The following CAD variants were observed in gnomAD, a reference collection of about 807,000 sequenced individuals.
CAD encodes carbamoyl-phosphate synthetase 2, aspartate transcarbamylase, and dihydroorotase.
A neutral mutation model predicts 237.2 loss-of-function variants in CAD; 81 were observed. That is an observed-to-expected ratio of 0.34 (90% CI 0.29 to 0.41). CAD has a LOEUF of 0.41. Ranked by LOEUF, CAD falls within the 10% of genes least tolerant of loss-of-function variation. The pLI, the probability that CAD is intolerant of heterozygous loss-of-function variation, is 1.00. For synonymous variants in CAD, 1,196 were observed against 1,162.8 expected, an observed-to-expected ratio of 1.03 and a Z score of -0.58; for missense variants, 2,181 against 2,951.7, an observed-to-expected ratio of 0.74 and a Z score of 6.05.
chr2:27,230,825 A>T (rs940806002), intron 15 of CAD, among the ~76,000 whole-genome samples: 4 of 152,210 alleles, frequency 2.6e-5, no homozygotes, highest in African/African-American at 9.6e-5. Context: ...CTGGACAGCC[A>T]TCAGTGGTTT....
Position 27,242,910 on chromosome 2 carries a change from T to A in CAD, c.6417T>A (p.Thr2139=), listed in dbSNP as rs774003252. Residue 2139 remains threonine, a synonymous_variant, in exon 42 of 44, where the codon ACT becomes ACA. Coordinates refer to ENST00000264705, the MANE Select transcript of CAD (RefSeq NM_004341.5). The surrounding 1 kb of genome is among the most constrained non-coding windows in gnomAD (Gnocchi z 6.4). The part of the protein sequence containing the change: ...FESIEEALPD[T]DVLYMTRIQK... ...GCATTGAGGAGGCGCTGCCTGACAC[T>A]GATGTGCTCTACATGACTCGAATCC... The A allele has an allele frequency of 6.2e-7, 1 of 1,613,838 alleles. No homozygotes were observed. The highest frequency in any genetic ancestry group is 8.5e-7 in the Non-Finnish European group (1 of 1,179,756).
At chr2:27,225,547 C>CCA (rs1238887003) in intron 11 of CAD, among the ~76,000 whole-genome samples, 158 bp from the exon 12 acceptor site, 1 of 117,124 alleles carries the variant, frequency 8.5e-6, no homozygotes, top group Non-Finnish European at 1.7e-5. Flanking sequence ...CTCAGGTGAT[C>CCA]CACCCCCCCG....
chr2:27,243,638 AC>A lies in CAD; in HGVS notation c.*122del. ...ACATCCAGATAGCTCACATGTGCTG[AC>A]CACACTTCAGGCTCTGGACTGGAGC... On this transcript the variant is annotated 3_prime_UTR_variant, in exon 44 of 44. Transcript: ENST00000264705. The A allele has an allele frequency of 1.3e-6, 1 of 784,056 alleles. No individual in the cohort carries two copies. The highest frequency in any genetic ancestry group is 2.1e-6 in the Non-Finnish European group (1 of 482,544). The allele number at this position is 784,056 out of a possible 1,614,324, so 48.6% of individuals were successfully genotyped here.
At chr2:27,221,115 C>T in intron 2 of CAD, 103 bp from the exon 3 acceptor site, 1 of 952,544 alleles carries the variant, frequency 1.0e-6, no homozygotes, top group Non-Finnish European at 1.5e-6. Context: ...TATTGAAGGC[C>T]ATTCAATGTG....
rs367628714 is a variant in CAD at position 27,239,429 on chromosome 2, C to T, written c.5352C>T (p.Arg1784=). 2.5e-6 allele frequency: 4 copies of T among 1,614,046 alleles called. No individual in the cohort carries two copies. The highest frequency in any genetic ancestry group is 2.5e-6 in the Non-Finnish European group (3 of 1,179,928). Residue 1784 remains arginine (R), a synonymous_variant, in exon 33 of 44, where the codon CGC becomes CGT. Transcript: ENST00000264705. This position sits in a 1 kb window ranked among gnomAD's most constrained non-coding sequence, Gnocchi z 4.0. ...GGCAGAAAGTGAAGGGCACCGTCCG[C>T]CGTGTGGTCCTGCGAGGGGAGGTTG... The part of the protein sequence containing the change: ...FEGQKVKGTV[R]RVVLRGEVAY...
At position 27,224,442 on chromosome 2, in the gene CAD, G is replaced by A. The variant is rs1675332475; in HGVS notation, c.1206G>A (p.Gly402=). The change falls in exon 9 of 44, where the codon GGG becomes GGA. Residue 402 remains glycine, a synonymous_variant. Transcript: ENST00000264705. The part of the protein sequence containing the change: ...PPRKVLILGS[G]GLSIGQAGEF... ...GAAAGGTTCTGATCCTGGGCTCAGG[G>A]GGCCTCTCCATTGGCCAAGCTGGAG... The A allele has an allele frequency of 1.2e-6, 2 of 1,614,162 alleles. No homozygotes were observed. Among genetic ancestry groups the A allele is most frequent in the Non-Finnish European group, 1.7e-6 (2 of 1,180,016 alleles).
At chr2:27,224,244 A>G (rs1414435611) in intron 8 of CAD, 101 bp from the exon 9 acceptor site, 3 of 1,307,774 alleles carry the variant, frequency 2.3e-6, no homozygotes, top group African/African-American at 1.5e-5. Context: ...CCTGAGGTGC[A>G]TAATTTGCTC....
intron 42 of CAD, 27 bp from the exon 43 acceptor site, chr2:27,243,171 C>T: frequency 6.2e-7 from 1 of 1,610,392 alleles, no homozygotes; most frequent in South Asian, 1.1e-5. Context: ...CCCCAAGGCA[C>T]TAATGGGGAC....
At chr2:27,226,984 C>T (rs762806827) in intron 15 of CAD, 22 bp downstream of exon 15, 1 of 1,612,656 alleles carries the variant, frequency 6.2e-7, no homozygotes, top group South Asian at 1.1e-5. Flanking sequence ...GCCCTGGGCA[C>T]CCCCATGGGG....
At position 27,243,862 on chromosome 2, in the gene CAD, G is replaced by A; in HGVS notation, c.*344G>A. 3.9e-6 allele frequency: 1 copy of A among 259,180 alleles called. No homozygotes were observed. Among genetic ancestry groups the A allele is most frequent in the Non-Finnish European group, 7.4e-6 (1 of 134,236 alleles). The allele number at this position is 259,180 out of a possible 1,614,324, so 16.1% of individuals were successfully genotyped here. A position where few individuals can be genotyped will look rare whatever the true frequency, so the allele number is the denominator to read the frequency against. ...CAAATTATAAGAGCAGCCTCACCAGGCAGGGCTCTGGCTAGGGCTGCGTGC... is the reference window on the plus strand; with the variant it reads ...CAAATTATAAGAGCAGCCTCACCAGACAGGGCTCTGGCTAGGGCTGCGTGC... On this transcript the variant is annotated 3_prime_UTR_variant, in exon 44 of 44. Coordinates refer to ENST00000264705, the MANE Select transcript of CAD (RefSeq NM_004341.5).
In CAD at chr2:27,239,876, T is replaced by A. The variant is rs1420148138; in HGVS notation, c.5496+78T>A. 1 of 1,058,706 alleles carries A rather than the reference T, an allele frequency of 9.4e-7. No individual in the cohort carries two copies. The highest frequency in any genetic ancestry group is 1.4e-6 in the Non-Finnish European group (1 of 734,504). 65.6% of individuals were successfully genotyped at this position (1,058,706 alleles called of 1,614,324 possible). A position where few individuals can be genotyped will look rare whatever the true frequency, so the allele number is the denominator to read the frequency against. On this transcript the variant is annotated intron_variant, in intron 34 of 43. Transcript: ENST00000264705. This position sits in a 1 kb window ranked among gnomAD's most constrained non-coding sequence, Gnocchi z 4.0. The stretch of plus-strand genomic sequence containing the variant: ...TGAACAGCTTGAACATTTTCATTGG[T>A]GGTTCAGGAACAATTGGGGTTTTCT...
rs1360424592 is a variant in CAD at position 27,217,405 on chromosome 2, C to T, written c.-147C>T. 2.4e-5 allele frequency: 18 copies of T among 738,912 alleles called. No individual in the cohort carries two copies. Among genetic ancestry groups the T allele is most frequent in the Admixed American group, 6.4e-5 (3 of 46,694 alleles). 45.8% of individuals were successfully genotyped at this position (738,912 alleles called of 1,614,324 possible). On this transcript the variant is annotated 5_prime_UTR_variant, in exon 1 of 44. Transcript: ENST00000264705. ...CTGCCGCCAAGCGCGCCCGAGGCTCCTACGCTGCCGCGCCCGGCTTCTCTC... is the reference window on the plus strand; with the variant it reads ...CTGCCGCCAAGCGCGCCCGAGGCTCTTACGCTGCCGCGCCCGGCTTCTCTC...
chr2:27,220,656 C>CAA (rs111297719), intron 2 of CAD, among the ~76,000 whole-genome samples: 3 of 127,080 alleles, frequency 2.4e-5, no homozygotes, highest in African/African-American at 2.9e-5. Context: ...GACCCTGTCT[C>CAA]AAAAAAAAAA....
At chr2:27,234,491 A>G in intron 22 of CAD, 27 bp from the exon 23 acceptor site, 1 of 1,609,144 alleles carries the variant, frequency 6.2e-7, no homozygotes. Context: ...AACCTGCAGA[A>G]GGCCTGACCA....
chr2:27,238,768 G>A, intron 31 of CAD, 136 bp downstream of exon 31: 1 of 807,310 alleles, frequency 1.2e-6, no homozygotes, highest in South Asian at 1.8e-5. Context: ...TAGCCTCTAG[G>A]GTACCTGGTC....
At chr2:27,231,705 C>A (rs930211971) in intron 16 of CAD, 125 bp downstream of exon 16, 23 of 702,800 alleles carry the variant, frequency 3.3e-5, no homozygotes, top group Non-Finnish European at 5.1e-5. Flanking sequence ...TTTGTTTCCA[C>A]TTTGCTGAGA....
In CAD at chr2:27,242,307, C is replaced by A. The variant is rs140918285; in HGVS notation, c.6102C>A (p.Ala2034=). The change falls in exon 40 of 44, where the codon GCC becomes GCA. Residue 2034 remains alanine, a synonymous_variant. Coordinates refer to ENST00000264705, the MANE Select transcript of CAD (RefSeq NM_004341.5). This position sits in a 1 kb window ranked among gnomAD's most constrained non-coding sequence, Gnocchi z 6.4. ...RHPQPGAVEL[A]AKHCRRPVIN... ...GATTTTCCCCTTTTTTCCAGCTGGC[C>A]GCCAAGCACTGCCGGAGGCCAGTGA... 1.1e-5 allele frequency: 17 copies of A among 1,605,830 alleles called. No individual in the cohort carries two copies. The highest frequency in any genetic ancestry group is 1.3e-5 in the Non-Finnish European group (15 of 1,174,470).
rs763172697 is a variant in CAD at position 27,233,526 on chromosome 2, G to T, written c.3206G>T (p.Ser1069Ile). The T allele has an allele frequency of 6.2e-7, 1 of 1,614,206 alleles. No homozygotes were observed. The highest frequency in any genetic ancestry group is 8.5e-7 in the Non-Finnish European group (1 of 1,180,028). The change falls in exon 20 of 44, where the codon AGT becomes ATT. Residue 1069 changes from serine to isoleucine, a missense_variant. Ser to Ile is a moderately radical substitution (Grantham distance 142, BLOSUM62 -2). Around this residue, in one of 12 missense-constraint regions of CAD, gnomAD observed 306 missense variants for 607.9 expected, o/e 0.50. Transcript: ENST00000264705. This position sits in a 1 kb window ranked among gnomAD's most constrained non-coding sequence, Gnocchi z 6.3. ...AGCCAGCCTCAGTGGAGGGAGCTCAGTGACCTCGAGGTGGGCTGGGACCTG... is the reference window on the plus strand; with the variant it reads ...AGCCAGCCTCAGTGGAGGGAGCTCATTGACCTCGAGGTGGGCTGGGACCTG... Reference protein sequence around the residue: ...GISQPQWRELSDLESARQFCQ... With the variant: ...GISQPQWRELIDLESARQFCQ...
At position 27,239,682 on chromosome 2, in the gene CAD, G is replaced by T; in HGVS notation, c.5395-15G>T. Reference sequence around the variant, plus strand: ...CTCTCTGCTCCCTCCTGAGTGCCCTGCCTTCTGCCTGCAGGTTCTGGTACC... The same window carrying T: ...CTCTCTGCTCCCTCCTGAGTGCCCTTCCTTCTGCCTGCAGGTTCTGGTACC... On this transcript the variant is annotated splice_polypyrimidine_tract_variant and intron_variant, in intron 33 of 43. Transcript: ENST00000264705. The surrounding 1 kb of genome is among the most constrained non-coding windows in gnomAD (Gnocchi z 4.0). 1.9e-6 allele frequency: 3 copies of T among 1,564,674 alleles called. No homozygotes were observed. The South Asian group carries it at 3.6e-5, about 19-fold the overall frequency.
Sources: gnomAD v4.1 joint callset for allele counts (sites outside exome capture counted in the v4.1 genomes callset) on GRCh38, gnomAD v4.1.1 for gene constraint, gnomAD v4.1.1 regional missense constraint, Gnocchi (gnomAD v3.1) non-coding constraint, MANE v1.5 for transcripts, NCBI Gene and HGNC (gene_info 2026-07-23, HGNC 2026-07-21) for gene names.